CDC42BPA: variants seen among roughly 807,000 people sequenced by gnomAD.
The protein encoded by CDC42BPA is CDC42 binding protein kinase alpha.
Under a neutral mutation model 223.5 loss-of-function variants are expected in CDC42BPA, and 80 were observed. The ratio of observed to expected loss-of-function variants is 0.36; its 90% CI spans 0.30 to 0.43. The LOEUF (loss-of-function observed/expected upper bound fraction) is 0.43, where lower values mean the gene tolerates loss of function less well. CDC42BPA is among the 20% of genes least tolerant of loss of function. The pLI, the probability that CDC42BPA is intolerant of heterozygous loss-of-function variation, is 1.00. For synonymous variants in CDC42BPA, 694 were observed against 718.6 expected, an observed-to-expected ratio of 0.97 and a Z score of 0.55; for missense variants, 1,743 against 2,099.9, an observed-to-expected ratio of 0.83 and a Z score of 3.32.
chr1:227,178,998 T>A (rs1452193785), intron 5 of CDC42BPA, among the ~76,000 whole-genome samples: 2 of 152,202 alleles, frequency 1.3e-5, no homozygotes, highest in African/African-American at 4.8e-5. Context: ...GTCTACCTGG[T>A]TGAGATCATA....
rs190070112 is a variant in CDC42BPA at position 227,253,561 on chromosome 1, G to A, written c.270+503C>T. On this transcript the variant is annotated intron_variant, in intron 2 of 36. Coordinates refer to ENST00000366766, the MANE Select transcript of CDC42BPA (RefSeq NM_001394014.1). ...TAGTGAGCCAAGATCATGCCACTGC[G>A]CTCCAGCCTGGGCAACAGAGGGAAA... Among the ~76,000 whole-genome samples the A allele has an allele frequency of 1.4e-4, 22 of 152,016 alleles. No homozygotes were observed. The East Asian group carries it at 2.1e-3, about 15-fold the overall frequency.
intron 34 of CDC42BPA, among the ~76,000 whole-genome samples, chr1:227,015,061 C>T (rs1665936007): frequency 6.6e-6 from 1 of 151,932 alleles, no homozygotes; most frequent in African/African-American, 2.4e-5. Flanking sequence ...GCTCAAGTAA[C>T]CCTCCCACCT....
At chr1:227,205,638 C>G (rs1479714197) in intron 3 of CDC42BPA, among the ~76,000 whole-genome samples, 7 of 152,000 alleles carry the variant, frequency 4.6e-5, no homozygotes, top group Non-Finnish European at 1.0e-4. Flanking sequence ...AATAGAAAAA[C>G]TAATAAAACA....
intron 25 of CDC42BPA, among the ~76,000 whole-genome samples, chr1:227,035,202 T>C (rs1669995191): frequency 6.6e-6 from 1 of 152,170 alleles, no homozygotes; most frequent in Non-Finnish European, 1.5e-5. Flanking sequence ...CCACCTCTCT[T>C]GCAAGAGCAG....
At position 227,101,125 on chromosome 1, in the gene CDC42BPA, T is replaced by C. The variant is rs1392295114; in HGVS notation, c.2116A>G (p.Lys706Glu). ...TCATTTGCATGTATTCCTTCTCTTT[T>C]AGATAATTCTTCTTCATAAAAGATA... ...KSIFYEEELS[K>E]REGIHANEIK... The change falls in exon 15 of 37, where the codon AAA becomes GAA. Residue 706 changes from lysine to glutamate, a missense_variant. Coordinates refer to ENST00000366766, the MANE Select transcript of CDC42BPA (RefSeq NM_001394014.1). 6.3e-7 allele frequency: 1 copy of C among 1,579,280 alleles called. No individual in the cohort carries two copies. Among genetic ancestry groups the C allele is most frequent in the Non-Finnish European group, 8.7e-7 (1 of 1,149,082 alleles).
chr1:227,208,801 C>A (rs1449135353), intron 3 of CDC42BPA, among the ~76,000 whole-genome samples: 1 of 152,302 alleles, frequency 6.6e-6, no homozygotes, highest in Non-Finnish European at 1.5e-5. Context: ...ATGCCTCCAG[C>A]TTTGTTCTTT....
intron 6 of CDC42BPA, among the ~76,000 whole-genome samples, chr1:227,158,817 G>T (rs1663310441): frequency 6.6e-6 from 1 of 152,108 alleles, no homozygotes; most frequent in Non-Finnish European, 1.5e-5. Context: ...GTGGTACAAT[G>T]CACAGCCCAA....
At chr1:227,241,760 A>G (rs1352279520) in intron 2 of CDC42BPA, among the ~76,000 whole-genome samples, 1 of 152,142 alleles carries the variant, frequency 6.6e-6, no homozygotes, top group African/African-American at 2.4e-5. Flanking sequence ...CAAAACCTCA[A>G]GGAACTGTAT....
At chr1:227,010,035 CATTTT>C (rs1483049580) in intron 34 of CDC42BPA, among the ~76,000 whole-genome samples, 2 of 152,056 alleles carry the variant, frequency 1.3e-5, no homozygotes, top group Non-Finnish European at 2.9e-5. Flanking sequence ...ACAATATAAA[CATTTT>C]ATTACCTGCA....
chr1:227,103,813 ATAGAT>A (rs1412702092), intron 14 of CDC42BPA, among the ~76,000 whole-genome samples: 2 of 152,072 alleles, frequency 1.3e-5, no homozygotes, highest in African/African-American at 2.4e-5. Context: ...CAAACTCCTA[ATAGAT>A]TAAACAGTTA....
chr1:227,219,655 G>C (rs527969083), intron 2 of CDC42BPA, among the ~76,000 whole-genome samples: 1 of 152,142 alleles, frequency 6.6e-6, no homozygotes, highest in South Asian at 2.1e-4. Flanking sequence ...TTCATGCAGA[G>C]GTGAGCCTAC....
At chr1:227,194,165 G>A (rs1292389505) in intron 4 of CDC42BPA, among the ~76,000 whole-genome samples, 3 of 152,032 alleles carry the variant, frequency 2.0e-5, no homozygotes, top group African/African-American at 7.2e-5. Flanking sequence ...ACAACACAGG[G>A]TTACCATTGT....
chr1:227,061,440 T>C (rs1262082054), intron 21 of CDC42BPA, among the ~76,000 whole-genome samples: 1 of 152,232 alleles, frequency 6.6e-6, no homozygotes, highest in Non-Finnish European at 1.5e-5. Flanking sequence ...ATGTAGAAGA[T>C]GGATCAACTT....
chr1:227,034,464 C>T (rs1669876937), intron 26 of CDC42BPA, among the ~76,000 whole-genome samples, 191 bp downstream of exon 26: 1 of 152,170 alleles, frequency 6.6e-6, no homozygotes, highest in Non-Finnish European at 1.5e-5. Flanking sequence ...ACACTCAACA[C>T]ACATACCAAC....
intron 4 of CDC42BPA, among the ~76,000 whole-genome samples, chr1:227,199,217 T>C (rs1671303034): frequency 6.6e-6 from 1 of 152,184 alleles, no homozygotes. Flanking sequence ...AATTTTAAAG[T>C]ACTAGCTGGA....
chr1:227,273,995 C>CAAAAAAAAAAAAAAA (rs10599884), intron 1 of CDC42BPA, among the ~76,000 whole-genome samples: 4 of 57,004 alleles, frequency 7.0e-5, no homozygotes, highest in Non-Finnish European at 9.6e-5. Flanking sequence ...TCGTATACAC[C>CAAAAAAAAAAAAAAA]AAAAAAAAAA....
chr1:227,076,300 A>G (rs901403414), intron 17 of CDC42BPA, among the ~76,000 whole-genome samples: 18 of 152,096 alleles, frequency 1.2e-4, no homozygotes, highest in African/African-American at 4.1e-4. Context: ...TCCGTTGCCC[A>G]TGCTAAAGTA....
intron 9 of CDC42BPA, among the ~76,000 whole-genome samples, chr1:227,140,898 G>C (rs1244945227): frequency 6.6e-6 from 1 of 152,156 alleles, no homozygotes; most frequent in African/African-American, 2.4e-5. Flanking sequence ...AGTTTAGATG[G>C]AAAAGAGAAG....
At chr1:227,196,938 A>G (rs1670859466) in intron 4 of CDC42BPA, among the ~76,000 whole-genome samples, 1 of 152,180 alleles carries the variant, frequency 6.6e-6, no homozygotes, top group South Asian at 2.1e-4. Flanking sequence ...ATGTTGATAT[A>G]ACTAAGCAGC....
Sources: allele counts gnomAD v4.1 joint callset (sites outside exome capture counted in the v4.1 genomes callset), GRCh38; gene constraint gnomAD v4.1.1; transcripts MANE v1.5; gene names NCBI Gene and HGNC (gene_info 2026-07-23, HGNC 2026-07-21).